FAM168A: variants seen among roughly 807,000 people sequenced by gnomAD.
FAM168A encodes the protein family with sequence similarity 168 member A, also known as protein FAM168A.
FAM168A carries 3 observed loss-of-function variants against 28.5 expected under a neutral mutation model. The ratio of observed to expected loss-of-function variants is 0.11; its 90% confidence interval spans 0.05 to 0.27. FAM168A has a LOEUF of 0.27. Among genes scored for constraint, FAM168A ranks in the 10% least tolerant of loss-of-function variants. The probability of loss-of-function intolerance (pLI) is 1.00; values close to 1 mark genes in which losing one functional copy is unlikely to be tolerated. For synonymous variants in FAM168A, 122 were observed against 124.2 expected, an observed-to-expected ratio of 0.98 and a Z score of 0.12; for missense variants, 222 against 311.5, an observed-to-expected ratio of 0.71 and a Z score of 2.16.
At chr11:73,547,163 G>T (rs755198274) in intron 1 of FAM168A, among the ~76,000 whole-genome samples, 1 of 148,998 alleles carries the variant, frequency 6.7e-6, no homozygotes, top group Non-Finnish European at 1.5e-5. Context: ...AGGAAAAGGC[G>T]GGGGGGAGGA....
At chr11:73,471,334 G>GA (rs1487677845) in intron 1 of FAM168A, among the ~76,000 whole-genome samples, 2 of 150,496 alleles carry the variant, frequency 1.3e-5, no homozygotes, top group African/African-American at 2.4e-5. Flanking sequence ...CTCAAAATGG[G>GA]AAAAAAACAA....
chr11:73,557,584 T>C (rs1943905443), intron 1 of FAM168A, among the ~76,000 whole-genome samples: 1 of 152,182 alleles, frequency 6.6e-6, no homozygotes, highest in African/African-American at 2.4e-5. Context: ...AATTTTAATA[T>C]TGTTAAGATG....
chr11:73,447,651 A>G (rs1011518730), intron 2 of FAM168A, among the ~76,000 whole-genome samples: 14 of 150,026 alleles, frequency 9.3e-5, no homozygotes, highest in Non-Finnish European at 1.8e-4. Flanking sequence ...CTGTGTTCTT[A>G]TATGTCCCAC....
chr11:73,430,657 C>A, intron 3 of FAM168A, 33 bp downstream of exon 3: 4 of 1,593,062 alleles, frequency 2.5e-6, no homozygotes, highest in South Asian at 1.1e-5. Context: ...CCTTCCCACT[C>A]CATTCGCCAC....
Position 73,402,756 on chromosome 11 carries a change from AC to A in FAM168A, c.*4006del. 6.6e-6 allele frequency: 1 copy of A among 152,240 alleles called. No homozygotes were observed. Among genetic ancestry groups the A allele is most frequent in the East Asian group, 1.9e-4 (1 of 5,180 alleles). 9.4% of individuals were successfully genotyped at this position (152,240 alleles called of 1,614,324 possible). A position where few individuals can be genotyped will look rare whatever the true frequency, so the allele number is the denominator to read the frequency against. ...CATGTCTTCGGTCCTGGGCATTGTG[AC>A]CCCAAAGTGTTTTGTCCAAGTGAGG... On this transcript the variant is annotated 3_prime_UTR_variant, in exon 8 of 8. Transcript: ENST00000356467.
intron 1 of FAM168A, among the ~76,000 whole-genome samples, chr11:73,594,290 G>A (rs1161025263): frequency 1.3e-5 from 2 of 150,134 alleles, no homozygotes; most frequent in South Asian, 2.1e-4. Flanking sequence ...TTGTGGAGAC[G>A]GGTCTCCCTA....
At chr11:73,574,282 A>C (rs972165365) in intron 1 of FAM168A, among the ~76,000 whole-genome samples, 2 of 152,172 alleles carry the variant, frequency 1.3e-5, no homozygotes, top group Non-Finnish European at 2.9e-5. Context: ...GGCTATTATT[A>C]TCTCTATCCC....
chr11:73,531,406 G>A (rs968838841), intron 1 of FAM168A, among the ~76,000 whole-genome samples: 1 of 152,202 alleles, frequency 6.6e-6, no homozygotes, highest in African/African-American at 2.4e-5. Flanking sequence ...CTCACAAAGA[G>A]CAATAGATAT....
chr11:73,508,863 G>A (rs551271283), intron 1 of FAM168A, among the ~76,000 whole-genome samples: 8 of 152,260 alleles, frequency 5.3e-5, no homozygotes, highest in South Asian at 2.1e-4. Flanking sequence ...TAGTTTGTGC[G>A]TATATGTTGA....
intron 2 of FAM168A, among the ~76,000 whole-genome samples, chr11:73,448,215 T>A (rs946320781): frequency 6.6e-6 from 1 of 151,786 alleles, no homozygotes; most frequent in East Asian, 1.9e-4. Context: ...GCCCAGCTAA[T>A]TTTTGTATTT....
intron 1 of FAM168A, among the ~76,000 whole-genome samples, chr11:73,481,929 T>C (rs1372852163): frequency 6.6e-6 from 1 of 152,136 alleles, no homozygotes; most frequent in Non-Finnish European, 1.5e-5. Flanking sequence ...TGGAGGAAGT[T>C]CATCCTTTCA....
intron 1 of FAM168A, among the ~76,000 whole-genome samples, chr11:73,595,833 TG>T (rs1944435265): frequency 6.6e-6 from 1 of 152,244 alleles, no homozygotes; most frequent in South Asian, 2.1e-4. Flanking sequence ...TGAATTCCTT[TG>T]GAAGAAAATT....
At chr11:73,443,479 G>A (rs1427716762) in intron 2 of FAM168A, among the ~76,000 whole-genome samples, 1 of 152,182 alleles carries the variant, frequency 6.6e-6, no homozygotes. Context: ...AGAGAAGAGG[G>A]AAGAAAGACG....
At chr11:73,559,008 C>T (rs953392454) in intron 1 of FAM168A, among the ~76,000 whole-genome samples, 4 of 152,186 alleles carry the variant, frequency 2.6e-5, no homozygotes, top group Admixed American at 6.5e-5. Context: ...CATAGCAGCA[C>T]CTTCACAATA....
chr11:73,529,552 T>G (rs983774906), intron 1 of FAM168A, among the ~76,000 whole-genome samples: 1 of 152,208 alleles, frequency 6.6e-6, no homozygotes, highest in African/African-American at 2.4e-5. Flanking sequence ...TATATTAATA[T>G]CAACAATAGA....
At chr11:73,465,959 A>G (rs1245383535) in intron 2 of FAM168A, among the ~76,000 whole-genome samples, 6 of 150,530 alleles carry the variant, frequency 4.0e-5, no homozygotes, top group Admixed American at 6.6e-5. Context: ...AAGGGGCTTT[A>G]AAAGGGAGAG....
At chr11:73,432,730 G>C (rs567269796) in intron 2 of FAM168A, among the ~76,000 whole-genome samples, 1 of 152,032 alleles carries the variant, frequency 6.6e-6, no homozygotes, top group African/African-American at 2.4e-5. Context: ...TGACAAACAA[G>C]GTGAAACCCC....
chr11:73,437,813 G>C (rs1867119185), intron 2 of FAM168A, among the ~76,000 whole-genome samples: 1 of 151,928 alleles, frequency 6.6e-6, no homozygotes, highest in African/African-American at 2.4e-5. Flanking sequence ...CTCTCCTCCT[G>C]GACAGCTTGC....
In FAM168A at chr11:73,596,560, A is replaced by T. The variant is rs1944441067; in HGVS notation, c.-19+1363T>A. Among the ~76,000 whole-genome samples, 3 of 152,138 alleles carry T rather than the reference A, an allele frequency of 2.0e-5. No homozygotes were observed. In the South Asian group the frequency reaches 6.2e-4, roughly 32 times the overall value. On this transcript the variant is annotated intron_variant, in intron 1 of 7. Transcript: ENST00000356467. ...ACCCGAACAGATTAAAATGGCCCCT[A>T]AGAATGAGAAGGTCTCTTCCGTGTC...
Sources: allele counts gnomAD v4.1 joint callset (sites outside exome capture counted in the v4.1 genomes callset), GRCh38; gene constraint gnomAD v4.1.1; transcripts MANE v1.5; gene names NCBI Gene and HGNC (gene_info 2026-07-23, HGNC 2026-07-21).